WDR64: variants seen among roughly 807,000 people sequenced by gnomAD.
The protein encoded by WDR64 is WD repeat domain 64, also known as WD repeat-containing protein 64.
A neutral mutation model predicts 139.3 loss-of-function variants in WDR64; 112 were observed. The observed-to-expected ratio is 0.80, with a 90% CI of 0.69 to 0.94. The LOEUF (loss-of-function observed/expected upper bound fraction) is 0.94. WDR64 is among the 40% of genes least tolerant of loss of function. The pLI is 0.00. For missense variants in WDR64, 1,206 were observed against 1,293.1 expected, an observed-to-expected ratio of 0.93 and a Z score of 1.03; for synonymous variants, 444 against 437.7, an observed-to-expected ratio of 1.01 and a Z score of -0.18.
intron 12 of WDR64, among the ~76,000 whole-genome samples, chr1:241,742,965 C>T (rs7552731): frequency 0.15 from 22,492 of 152,118 alleles, 1,860 homozygotes; most frequent in African/African-American, 0.18. Context: ...CAAAAGGAGA[C>T]GTGTGGACTA....
chr1:241,674,480 C>T (rs1018388246), intron 3 of WDR64, among the ~76,000 whole-genome samples, 164 bp from the exon 4 acceptor site: 2 of 151,870 alleles, frequency 1.3e-5, no homozygotes, highest in African/African-American at 4.8e-5. Flanking sequence ...GTCTTGAACT[C>T]CTGGACTTGA....
At chr1:241,710,961 G>A (rs922905700) in intron 8 of WDR64, among the ~76,000 whole-genome samples, 8 of 152,246 alleles carry the variant, frequency 5.3e-5, no homozygotes, top group African/African-American at 1.7e-4. Context: ...AAGCAGGCCA[G>A]GCGCGTGGCT....
At chr1:241,790,522 G>A (rs1659184136) in intron 24 of WDR64, 69 bp from the exon 25 acceptor site, 1 of 1,317,618 alleles carries the variant, frequency 7.6e-7, no homozygotes, top group Non-Finnish European at 1.1e-6. Flanking sequence ...AGGACATAAT[G>A]GATCTTTGTT....
intron 2 of WDR64, among the ~76,000 whole-genome samples, chr1:241,669,025 T>C (rs1558462200): frequency 1.3e-5 from 2 of 152,260 alleles, no homozygotes; most frequent in East Asian, 1.9e-4. Context: ...ACGATAACAA[T>C]AGCTAATGTT....
chr1:241,706,379 C>G (rs1327537121), intron 8 of WDR64, among the ~76,000 whole-genome samples: 2 of 152,230 alleles, frequency 1.3e-5, no homozygotes, highest in African/African-American at 4.8e-5. Context: ...CAAGATAAGA[C>G]AGGGTAAAAG....
At chr1:241,795,453 G>A (rs1459131831) in intron 26 of WDR64, among the ~76,000 whole-genome samples, 166 bp downstream of exon 26, 2 of 152,190 alleles carry the variant, frequency 1.3e-5, no homozygotes, top group Non-Finnish European at 2.9e-5. Context: ...CTTGGACTGT[G>A]TGTGTCAATG....
intron 13 of WDR64, among the ~76,000 whole-genome samples, chr1:241,745,523 G>C (rs1211663227): frequency 6.8e-6 from 1 of 146,260 alleles, no homozygotes; most frequent in Non-Finnish European, 1.5e-5. Flanking sequence ...TTATATGCAA[G>C]CAAGCCATAT....
At chr1:241,729,003 T>TA (rs921328574) in intron 10 of WDR64, among the ~76,000 whole-genome samples, 1 of 152,056 alleles carries the variant, frequency 6.6e-6, no homozygotes, top group African/African-American at 2.4e-5. Flanking sequence ...CAGTTATCTT[T>TA]AAAAAAAATT....
intron 14 of WDR64, among the ~76,000 whole-genome samples, chr1:241,754,320 C>T (rs1222200150): frequency 1.3e-3 from 108 of 81,810 alleles, no homozygotes; most frequent in Middle Eastern, 7.8e-3. Flanking sequence ...TTTTCTTTTT[C>T]TTTTTTTTTT....
chr1:241,672,169 T>TCAAA (rs756991263), intron 3 of WDR64, among the ~76,000 whole-genome samples: 13 of 151,990 alleles, frequency 8.6e-5, no homozygotes, highest in East Asian at 1.9e-4. Context: ...AGACTCTGTC[T>TCAAA]CAAACAAACA....
intron 14 of WDR64, 74 bp downstream of exon 14, chr1:241,749,796 C>A: frequency 1.3e-6 from 2 of 1,514,044 alleles, no homozygotes; most frequent in East Asian, 2.3e-5. Context: ...TGGATAATCC[C>A]CACCATGTAA....
chr1:241,689,387 G>T (rs368194117), intron 8 of WDR64, among the ~76,000 whole-genome samples: 2 of 152,222 alleles, frequency 1.3e-5, no homozygotes, highest in African/African-American at 2.4e-5. Flanking sequence ...AAAATAAAAA[G>T]ATGCAGAAAG....
intron 18 of WDR64, among the ~76,000 whole-genome samples, chr1:241,771,456 G>A (rs893402347): frequency 6.6e-6 from 1 of 152,006 alleles, no homozygotes; most frequent in African/African-American, 2.4e-5. Context: ...TACCTCAACT[G>A]CTAGAAGAAT....
In WDR64 at chr1:241,677,676, A is replaced by C. The variant is rs149237325; in HGVS notation, c.484-511A>C. 5.3e-5 allele frequency among the ~76,000 whole-genome samples: 8 copies of C among 152,302 alleles called. 1 individual carries two copies. The highest frequency in any genetic ancestry group is 1.9e-4 in the African/African-American group (8 of 41,552). ...GTACCCAATGCATGATATTCACTCA[A>C]TAGGTGCTTACTGAATAAAAGAGGA... On this transcript the variant is annotated intron_variant, in intron 4 of 27. Transcript: ENST00000437684.
chr1:241,658,375 A>G (rs1357551329), intron 1 of WDR64, among the ~76,000 whole-genome samples: 1 of 151,820 alleles, frequency 6.6e-6, no homozygotes, highest in Non-Finnish European at 1.5e-5. Flanking sequence ...AGTGGCTCAC[A>G]TCTGTAATCC....
intron 6 of WDR64, among the ~76,000 whole-genome samples, chr1:241,682,302 A>G (rs1337590248): frequency 1.3e-5 from 2 of 152,178 alleles, no homozygotes; most frequent in African/African-American, 2.4e-5. Flanking sequence ...TGATTTTTGT[A>G]TAAGGTGAGG....
chr1:241,740,257 T>TAGGAA (rs1669484781), intron 11 of WDR64, among the ~76,000 whole-genome samples: 1 of 152,182 alleles, frequency 6.6e-6, no homozygotes, highest in Non-Finnish European at 1.5e-5. Context: ...GATTGCCAGT[T>TAGGAA]TTCCATAAGC....
At chr1:241,749,823 C>T (rs759408507) in intron 14 of WDR64, 101 bp downstream of exon 14, 12 of 1,318,208 alleles carry the variant, frequency 9.1e-6, no homozygotes, top group Non-Finnish European at 1.3e-5. Context: ...TCTTGGTAGC[C>T]AGCTGAAGAT....
intron 26 of WDR64, among the ~76,000 whole-genome samples, chr1:241,795,842 A>G (rs541677493): frequency 6.6e-6 from 1 of 152,364 alleles, no homozygotes; most frequent in East Asian, 1.9e-4. Context: ...AATATTTCAA[A>G]TTAACTTATA....
Sources: allele counts gnomAD v4.1 joint callset (sites outside exome capture counted in the v4.1 genomes callset), GRCh38; gene constraint gnomAD v4.1.1; transcripts MANE v1.5; gene names NCBI Gene and HGNC (gene_info 2026-07-23, HGNC 2026-07-21).